NLGN1: variants seen among roughly 807,000 people sequenced by gnomAD.
NLGN1 encodes neuroligin-1.
Under a neutral mutation model 65.5 loss-of-function variants are expected in NLGN1, and 12 were observed. That is an observed-to-expected ratio of 0.18 (90% CI 0.12 to 0.30). The LOEUF is 0.30. Ranked by LOEUF, NLGN1 falls within the 10% of genes least tolerant of loss-of-function variation. The pLI is 1.00. For missense variants in NLGN1, 750 were observed against 1,007.1 expected, an observed-to-expected ratio of 0.74 and a Z score of 3.46; for synonymous variants, 350 against 359.5, an observed-to-expected ratio of 0.97 and a Z score of 0.30.
At chr3:173,807,634 T>A in intron 3 of NLGN1, 46 bp from the exon 4 acceptor site, 1 of 1,594,676 alleles carries the variant, frequency 6.3e-7, no homozygotes, top group South Asian at 1.1e-5. Flanking sequence ...CTTCATTGTG[T>A]GTTATTTTTG....
At chr3:174,138,013 C>G (rs6777593) in intron 4 of NLGN1, among the ~76,000 whole-genome samples, 1 of 151,974 alleles carries the variant, frequency 6.6e-6, no homozygotes, top group Middle Eastern at 3.2e-3. Flanking sequence ...CCATTTGACT[C>G]GAAGTTAGAA....
At chr3:174,275,574 C>T in intron 5 of NLGN1, 47 bp downstream of exon 5, 2 of 1,128,610 alleles carry the variant, frequency 1.8e-6, no homozygotes, top group Non-Finnish European at 1.3e-6. Context: ...GTCTGCATGC[C>T]ACCACCATCA....
intron 4 of NLGN1, among the ~76,000 whole-genome samples, chr3:173,951,119 G>A (rs1452999232): frequency 6.6e-6 from 1 of 151,888 alleles, no homozygotes; most frequent in Non-Finnish European, 1.5e-5. Context: ...CATCTGCCTC[G>A]GCCTCCCAGA....
intron 4 of NLGN1, among the ~76,000 whole-genome samples, chr3:174,247,248 T>A (rs1743969055): frequency 6.6e-6 from 1 of 152,202 alleles, no homozygotes; most frequent in African/African-American, 2.4e-5. Flanking sequence ...TCAGTTGAAG[T>A]CAATGTACAG....
At chr3:173,783,256 A>G (rs549797456) in intron 3 of NLGN1, among the ~76,000 whole-genome samples, 23 of 152,326 alleles carry the variant, frequency 1.5e-4, no homozygotes, top group African/African-American at 4.1e-4. Flanking sequence ...AGACCATTAC[A>G]TTTGAGAAAA....
rs79050166 is a variant in NLGN1, at chr3:173,735,837, T to A, written c.494-71843T>A. On this transcript the variant is annotated intron_variant, in intron 3 of 6. Coordinates refer to ENST00000457714, the Ensembl canonical transcript of NLGN1. ...ACTGGTGACATTCACATAATTTTTT[T>A]AAAATACCTTTTGCATATAAATATT... Among the ~76,000 whole-genome samples, 585 of 152,258 alleles carry A rather than the reference T, an allele frequency of 3.8e-3. 4 individuals carry two copies. Among genetic ancestry groups the A allele is most frequent in the African/African-American group, 0.013 (520 of 41,566 alleles).
intron 4 of NLGN1, among the ~76,000 whole-genome samples, chr3:174,261,500 GTA>G (rs1746898071): frequency 6.7e-6 from 1 of 149,160 alleles, no homozygotes; most frequent in Admixed American, 6.8e-5. Context: ...TGTTTTTGGT[GTA>G]TAAGAATGCT....
chr3:174,257,735 A>T (rs545534697), intron 4 of NLGN1, among the ~76,000 whole-genome samples: 13 of 151,514 alleles, frequency 8.6e-5, no homozygotes, highest in African/African-American at 2.7e-4. Context: ...ATATATATAT[A>T]TATTTATTCA....
chr3:173,816,515 G>A (rs1719070920), intron 4 of NLGN1, among the ~76,000 whole-genome samples: 1 of 152,124 alleles, frequency 6.6e-6, no homozygotes. Context: ...TTTCTAAAAC[G>A]CTAGATTTAA....
chr3:173,489,295 T>C (rs1728707570), intron 2 of NLGN1, among the ~76,000 whole-genome samples: 1 of 151,962 alleles, frequency 6.6e-6, no homozygotes, highest in South Asian at 2.1e-4. Flanking sequence ...CCAAGTGTTC[T>C]CATTGTTCAA....
chr3:174,238,066 A>G lies in NLGN1; in HGVS notation c.647-37249A>G, dbSNP rs546071667. 3.0e-4 allele frequency among the ~76,000 whole-genome samples: 46 copies of G among 152,306 alleles called. No individual in the cohort carries two copies. In the South Asian group the frequency reaches 7.7e-3, roughly 25 times the overall value. On this transcript the variant is annotated intron_variant, in intron 4 of 6. Transcript: ENST00000457714. ...AAATATTTTGTTCCAGTAGGTATCT[A>G]TGTAGATTTGCATATTTTCATACTA...
intron 4 of NLGN1, among the ~76,000 whole-genome samples, chr3:173,887,536 A>C (rs1334572283): frequency 6.6e-6 from 1 of 151,954 alleles, no homozygotes; most frequent in East Asian, 1.9e-4. Context: ...CCTCACTAAA[A>C]TTTTGAAAAC....
intron 4 of NLGN1, among the ~76,000 whole-genome samples, chr3:174,086,284 A>T (rs13096387): frequency 2.2e-3 from 13 of 5,790 alleles, no homozygotes; most frequent in Non-Finnish European, 3.7e-3. Flanking sequence ...TATGTGCATA[A>T]ATATATATAT....
At chr3:174,097,150 T>G (rs1465596682) in intron 4 of NLGN1, among the ~76,000 whole-genome samples, 1 of 152,188 alleles carries the variant, frequency 6.6e-6, no homozygotes, top group African/African-American at 2.4e-5. Flanking sequence ...ATTATAATTA[T>G]CCAATATTCT....
At chr3:173,688,012 T>A (rs1038773614) in intron 3 of NLGN1, among the ~76,000 whole-genome samples, 1 of 152,202 alleles carries the variant, frequency 6.6e-6, no homozygotes, top group African/African-American at 2.4e-5. Flanking sequence ...GGCATACTAG[T>A]GTTTCAAATG....
intron 4 of NLGN1, among the ~76,000 whole-genome samples, chr3:173,855,171 A>G (rs767441544): frequency 6.6e-6 from 1 of 152,244 alleles, no homozygotes; most frequent in East Asian, 1.9e-4. Flanking sequence ...TATGGTGTTC[A>G]TAAGAGTGGT....
At chr3:173,526,448 A>AT (rs1408082120) in intron 2 of NLGN1, among the ~76,000 whole-genome samples, 4 of 151,194 alleles carry the variant, frequency 2.6e-5, no homozygotes, top group Non-Finnish European at 5.9e-5. Context: ...ATCCCTTTGT[A>AT]TTTTTTAAAA....
chr3:173,828,036 G>A (rs947601071), intron 4 of NLGN1, among the ~76,000 whole-genome samples: 1 of 152,000 alleles, frequency 6.6e-6, no homozygotes, highest in Admixed American at 6.6e-5. Context: ...GCATCCCTTA[G>A]CCCAGTCACA....
At chr3:173,903,601 C>T (rs1560594949) in intron 4 of NLGN1, among the ~76,000 whole-genome samples, 1 of 152,058 alleles carries the variant, frequency 6.6e-6, no homozygotes, top group Non-Finnish European at 1.5e-5. Context: ...AGTGATTAAA[C>T]AGTGAGAATA....
Sources: allele counts gnomAD v4.1 joint callset (sites outside exome capture counted in the v4.1 genomes callset), GRCh38; gene constraint gnomAD v4.1.1; transcripts MANE v1.5; gene names NCBI Gene and HGNC (gene_info 2026-07-23, HGNC 2026-07-21).